The following NXPH1 variants were observed in gnomAD, a reference collection of about 807,000 sequenced individuals.
The protein encoded by NXPH1 is neurexophilin-1.
A neutral mutation model predicts 23.7 loss-of-function variants in NXPH1; 5 were observed. The ratio of observed to expected loss-of-function variants is 0.21; its 90% confidence interval spans 0.11 to 0.44. The LOEUF is 0.44. Ranked by LOEUF, NXPH1 falls within the 20% of genes least tolerant of loss-of-function variation. The probability of loss-of-function intolerance (pLI) is 0.99; values close to 1 mark genes in which losing one functional copy is unlikely to be tolerated. For missense variants in NXPH1, 324 were observed against 321.6 expected, an observed-to-expected ratio of 1.01 and a Z score of -0.06; for synonymous variants, 144 against 122.2, an observed-to-expected ratio of 1.18 and a Z score of -1.18.
chr7:8,655,636 TGTTG>T (rs1820569784), intron 2 of NXPH1, among the ~76,000 whole-genome samples: 1 of 152,156 alleles, frequency 6.6e-6, no homozygotes, highest in Non-Finnish European at 1.5e-5. Flanking sequence ...ATATGATTAT[TGTTG>T]ATTATTGAAA....
chr7:8,516,571 G>T lies in NXPH1; in HGVS notation c.54+80804G>T, dbSNP rs539092407. 3.9e-5 allele frequency among the ~76,000 whole-genome samples: 6 copies of T among 152,190 alleles called. No homozygotes were observed. In the South Asian group the frequency reaches 1.2e-3, roughly 32 times the overall value. ...ATCCTGCTGGGGTTTCCATTAAGTT[G>T]ATCAATAAAAGTGATGGTTTTGTCC... On this transcript the variant is annotated intron_variant, in intron 2 of 2. Coordinates refer to ENST00000405863, the MANE Select transcript of NXPH1 (RefSeq NM_152745.3).
In NXPH1 at chr7:8,443,823, G is replaced by T. The variant is rs551603229; in HGVS notation, c.54+8056G>T. On this transcript the variant is annotated intron_variant, in intron 2 of 2. Transcript: ENST00000405863. ...AGACCCGGGATGGAGCGGCGGGGGG[G>T]AGTTTCTCTTTACTTACCAAACCGC... 2.7e-3 allele frequency among the ~76,000 whole-genome samples: 417 copies of T among 152,222 alleles called. 3 individuals are homozygous for T. Among genetic ancestry groups the T allele is most frequent in the African/African-American group, 9.6e-3 (398 of 41,530 alleles).
At chr7:8,735,173 A>T (rs1169355434) in intron 2 of NXPH1, among the ~76,000 whole-genome samples, 2 of 152,088 alleles carry the variant, frequency 1.3e-5, no homozygotes, top group Non-Finnish European at 2.9e-5. Context: ...AACTTCCAAT[A>T]CTATGTTGAA....
chr7:8,648,302 C>T (rs1035156735), intron 2 of NXPH1, among the ~76,000 whole-genome samples: 2 of 152,132 alleles, frequency 1.3e-5, no homozygotes, highest in African/African-American at 2.4e-5. Context: ...CCCACCTACA[C>T]CCAATCCCCC....
At chr7:8,638,273 A>T (rs1820251095) in intron 2 of NXPH1, among the ~76,000 whole-genome samples, 1 of 152,158 alleles carries the variant, frequency 6.6e-6, no homozygotes, top group Non-Finnish European at 1.5e-5. Context: ...TAGGAACCTG[A>T]ATTGGCACTG....
intron 2 of NXPH1, among the ~76,000 whole-genome samples, chr7:8,675,266 T>C (rs1365362780): frequency 1.3e-5 from 2 of 151,942 alleles, no homozygotes; most frequent in Admixed American, 6.6e-5. Flanking sequence ...ATAATATACA[T>C]AAATTTCTGT....
intron 2 of NXPH1, among the ~76,000 whole-genome samples, chr7:8,558,444 G>A (rs1035434701): frequency 4.6e-5 from 7 of 151,418 alleles, no homozygotes; most frequent in African/African-American, 1.5e-4. Flanking sequence ...CAGTAAAATC[G>A]GCTTTTAATT....
At chr7:8,671,032 G>A (rs1820861022) in intron 2 of NXPH1, among the ~76,000 whole-genome samples, 2 of 152,094 alleles carry the variant, frequency 1.3e-5, no homozygotes, top group African/African-American at 4.8e-5. Flanking sequence ...CCCTACCGTG[G>A]TCTGTGGACA....
chr7:8,599,661 T>G (rs1006953287), intron 2 of NXPH1, among the ~76,000 whole-genome samples: 10 of 152,122 alleles, frequency 6.6e-5, no homozygotes, highest in Non-Finnish European at 1.5e-4. Flanking sequence ...TCACTTCAAT[T>G]TGTACTATTG....
intron 2 of NXPH1, among the ~76,000 whole-genome samples, chr7:8,630,783 T>A (rs929561871): frequency 2.0e-5 from 3 of 152,184 alleles, no homozygotes; most frequent in African/African-American, 7.2e-5. Context: ...TTTTTAACTT[T>A]TAACCTTTAA....
intron 2 of NXPH1, among the ~76,000 whole-genome samples, chr7:8,625,527 A>G (rs1227601869): frequency 8.5e-5 from 13 of 152,194 alleles, no homozygotes. Flanking sequence ...GCTCTCAGTG[A>G]CTAAAAGAAA....
intron 2 of NXPH1, among the ~76,000 whole-genome samples, chr7:8,651,765 A>G (rs1377547586): frequency 2.0e-5 from 3 of 152,214 alleles, no homozygotes; most frequent in Non-Finnish European, 2.9e-5. Flanking sequence ...GAAAAACATT[A>G]AGAGAATCAT....
chr7:8,509,391 A>G (rs1817578592), intron 2 of NXPH1, among the ~76,000 whole-genome samples: 1 of 152,128 alleles, frequency 6.6e-6, no homozygotes, highest in African/African-American at 2.4e-5. Context: ...TATTTTCCAA[A>G]GACAGTGTTA....
At chr7:8,660,341 T>C (rs1370131767) in intron 2 of NXPH1, among the ~76,000 whole-genome samples, 1 of 152,176 alleles carries the variant, frequency 6.6e-6, no homozygotes, top group Non-Finnish European at 1.5e-5. Context: ...ACCTTACAAC[T>C]CTTAACTTAC....
At chr7:8,643,171 AC>A (rs1820345085) in intron 2 of NXPH1, among the ~76,000 whole-genome samples, 1 of 84,798 alleles carries the variant, frequency 1.2e-5, no homozygotes, top group South Asian at 4.6e-4. Flanking sequence ...CCAGGCATAC[AC>A]TTTTATAAGT....
intron 2 of NXPH1, among the ~76,000 whole-genome samples, chr7:8,661,367 A>AC (rs1345275066): frequency 6.6e-6 from 1 of 152,174 alleles, no homozygotes; most frequent in Non-Finnish European, 1.5e-5. Context: ...TTGGCTCACC[A>AC]CACTCAGACT....
chr7:8,500,065 C>A (rs1386183768), intron 2 of NXPH1, among the ~76,000 whole-genome samples: 1 of 152,006 alleles, frequency 6.6e-6, no homozygotes, highest in Non-Finnish European at 1.5e-5. Context: ...TCTTTTTGTT[C>A]TTTTCATATG....
At chr7:8,697,484 A>T (rs1186761565) in intron 2 of NXPH1, among the ~76,000 whole-genome samples, 1 of 152,204 alleles carries the variant, frequency 6.6e-6, no homozygotes, top group Admixed American at 6.5e-5. Flanking sequence ...AGAAGTAGAC[A>T]GAAGACTCAC....
chr7:8,682,503 T>A (rs1028126673), intron 2 of NXPH1, among the ~76,000 whole-genome samples: 1 of 152,246 alleles, frequency 6.6e-6, no homozygotes, highest in Non-Finnish European at 1.5e-5. Context: ...ACTTCTACTT[T>A]ACCAAATTCC....
Sources: gnomAD v4.1 joint callset for allele counts (sites outside exome capture counted in the v4.1 genomes callset) on GRCh38, gnomAD v4.1.1 for gene constraint, MANE v1.5 for transcripts, NCBI Gene and HGNC (gene_info 2026-07-23, HGNC 2026-07-21) for gene names.